CPA5: variants seen among roughly 807,000 people sequenced by gnomAD.
The protein encoded by CPA5 is testicular tissue protein Li 32.
Under a neutral mutation model 52.2 loss-of-function variants are expected in CPA5, and 38 were observed. The observed-to-expected ratio is 0.73, with a 90% CI of 0.56 to 0.95. The LOEUF is 0.95. Ranked by LOEUF, CPA5 falls within the 40% of genes least tolerant of loss-of-function variation. The pLI is 0.00. For synonymous variants in CPA5, 198 were observed against 213.7 expected (o/e 0.93, Z 0.64); for missense variants, 519 against 566.7 (o/e 0.92, Z 0.86).
rs1795687118 is a variant in CPA5, at chr7:130,359,687, G to A, written c.432G>A (p.Glu144=). The part of the protein sequence containing the change: ...FSYSSYHTLE[E]IYSWIDNFVM... The stretch of plus-strand genomic sequence containing the variant: ...ACTCATCATACCACACCCTGGAGGA[G>A]GTAGGTCTGGCCGGGCAAGCTCTGG... Residue 144 remains glutamate (E), a splice_region_variant and synonymous_variant, in exon 6 of 13, where the codon GAG becomes GAA. Coordinates refer to ENST00000474905, the MANE Select transcript of CPA5 (RefSeq NM_080385.5). 2 of 1,577,784 alleles carry A rather than the reference G, an allele frequency of 1.3e-6. No homozygotes were observed. The highest frequency in any genetic ancestry group is 8.6e-7 in the Non-Finnish European group (1 of 1,161,154).
chr7:130,368,496 T>C lies in CPA5; in HGVS notation c.1210T>C (p.Tyr404His), dbSNP rs782178508. ...FSFELRDTGQ[Y>H]GFLLPATQII... ...CTTTGAGCTCCGGGACACTGGGCAG[T>C]ATGGCTTCCTGCTGCCGGCCACACA... Residue 404 changes from tyrosine to histidine, a missense_variant, in exon 13 of 13, where the codon TAT becomes CAT. Transcript: ENST00000474905. The C allele has an allele frequency of 6.2e-6, 10 of 1,614,080 alleles. No homozygotes were observed. The highest frequency in any genetic ancestry group is 8.5e-6 in the Non-Finnish European group (10 of 1,180,004).
rs782304205 is a variant in CPA5, at chr7:130,347,854, A to G, written c.198+7A>G. 3 of 1,611,196 alleles carry G rather than the reference A, an allele frequency of 1.9e-6. No homozygotes were observed. The highest frequency in any genetic ancestry group is 2.5e-6 in the Non-Finnish European group (3 of 1,178,536). Reference sequence around the variant, plus strand: ...GGGCCTGAAACCCCAGAAGGTGAGGACTCCTCAGGCTTGAGGACAACCCCA... The same window carrying G: ...GGGCCTGAAACCCCAGAAGGTGAGGGCTCCTCAGGCTTGAGGACAACCCCA... On this transcript the variant is annotated splice_region_variant and intron_variant, in intron 4 of 12. Transcript: ENST00000474905.
intron 5 of CPA5, among the ~76,000 whole-genome samples, chr7:130,350,669 C>T (rs781926849): frequency 6.6e-6 from 1 of 152,244 alleles, no homozygotes; most frequent in Non-Finnish European, 1.5e-5. Context: ...CCCAGAGGAA[C>T]CGCTTTGGGA....
intron 5 of CPA5, among the ~76,000 whole-genome samples, chr7:130,354,934 G>A (rs1795386614): frequency 6.6e-6 from 1 of 152,138 alleles, no homozygotes; most frequent in African/African-American, 2.4e-5. Context: ...CTGTTGGCTG[G>A]TCTGTGGGTG....
chr7:130,368,730 C>A lies in CPA5; in HGVS notation c.*133C>A. 1.1e-6 allele frequency: 1 copy of A among 902,828 alleles called. No homozygotes were observed. The allele number at this position is 902,828 out of a possible 1,614,324, so 55.9% of individuals were successfully genotyped here. A position where few individuals can be genotyped will look rare whatever the true frequency, so the allele number is the denominator to read the frequency against. ...GAAAATAAATACAAGTTTGAACAGG[C>A]TTCGCTGCCTCTCGTGTTGGCTACC... On this transcript the variant is annotated 3_prime_UTR_variant, in exon 13 of 13. Transcript: ENST00000474905.
At chr7:130,362,343 C>G in intron 7 of CPA5, 95 bp from the exon 8 acceptor site, 3 of 787,698 alleles carry the variant, frequency 3.8e-6, no homozygotes, top group Non-Finnish European at 6.4e-6. Flanking sequence ...CTGCCCCAGG[C>G]ACTGAGGATG....
chr7:130,365,242 A>G (rs1474627298), intron 10 of CPA5, among the ~76,000 whole-genome samples: 4 of 152,232 alleles, frequency 2.6e-5, no homozygotes, highest in African/African-American at 9.6e-5. Context: ...TTCCACCTCC[A>G]AATGAACAGA....
chr7:130,361,351 A>G (rs1248629888), intron 7 of CPA5, 107 bp downstream of exon 7: 3 of 752,128 alleles, frequency 4.0e-6, no homozygotes, highest in Admixed American at 4.3e-5. Flanking sequence ...GAGAAGGACA[A>G]TTTGTCTACT....
intron 2 of CPA5, 86 bp from the exon 3 acceptor site, chr7:130,346,307 G>A: frequency 8.0e-6 from 4 of 498,040 alleles, no homozygotes; most frequent in East Asian, 3.3e-5. Flanking sequence ...GTGCTGGGTT[G>A]GGGAGGGGCA....
chr7:130,364,350 G>A (rs12530709), intron 10 of CPA5, among the ~76,000 whole-genome samples: 39,861 of 151,988 alleles, frequency 0.26, 6,424 homozygotes, highest in East Asian at 0.42. Flanking sequence ...CCACCACCAC[G>A]CTGGGCTAAT....
intron 10 of CPA5, among the ~76,000 whole-genome samples, chr7:130,363,870 T>C (rs1554407546): frequency 6.6e-6 from 1 of 152,140 alleles, no homozygotes; most frequent in African/African-American, 2.4e-5. Context: ...ATCCAGAGTT[T>C]ATGGTGCTCC....
chr7:130,361,319 G>T, intron 7 of CPA5, 75 bp downstream of exon 7: 1 of 1,038,376 alleles, frequency 9.6e-7, no homozygotes, highest in Non-Finnish European at 1.5e-6. Flanking sequence ...ATATGGGGTA[G>T]TGGCTGGGCG....
Position 130,359,649 on chromosome 7 carries a change from A to G in CPA5, c.394A>G (p.Asn132Asp). Residue 132 changes from asparagine (N) to aspartate (D), a missense_variant, in exon 6 of 13, where the codon AAC (asparagine) becomes GAC (aspartate). By Grantham distance (23) the Asn-to-Asp change is conservative. Coordinates refer to ENST00000474905, the MANE Select transcript of CPA5 (RefSeq NM_080385.5). ...ATCCCGCCGGCTGGAGCGCAGCACC[A>G]ACAGCTTCAGTTACTCATCATACCA... Reference protein sequence around the residue: ...AKSRRLERSTNSFSYSSYHTL... With the variant: ...AKSRRLERSTDSFSYSSYHTL... 1 of 1,586,318 alleles carries G rather than the reference A, an allele frequency of 6.3e-7. No homozygotes were observed. Among genetic ancestry groups the G allele is most frequent in the Non-Finnish European group, 8.6e-7 (1 of 1,166,372 alleles).
At chr7:130,357,842 G>C (rs1457481544) in intron 5 of CPA5, among the ~76,000 whole-genome samples, 1 of 152,054 alleles carries the variant, frequency 6.6e-6, no homozygotes, top group Non-Finnish European at 1.5e-5. Context: ...TGAAAGAATA[G>C]TACAATGGAG....
At chr7:130,367,734 G>T (rs1016064428) in intron 11 of CPA5, 163 bp downstream of exon 11, 4 of 846,844 alleles carry the variant, frequency 4.7e-6, no homozygotes, top group East Asian at 2.5e-5. Context: ...CTGTTCTCAC[G>T]TGTGATCAAG....
At chr7:130,362,605 T>C in intron 8 of CPA5, 66 bp downstream of exon 8, 1 of 1,156,468 alleles carries the variant, frequency 8.6e-7, no homozygotes, top group Non-Finnish European at 1.3e-6. Context: ...AGGAACTTAC[T>C]ATTTAAGGGC....
Position 130,347,752 on chromosome 7 carries a change from C to T in CPA5, c.117-14C>T. On this transcript the variant is annotated splice_polypyrimidine_tract_variant and intron_variant, in intron 3 of 12. Transcript: ENST00000474905. ...TCTCCGCAGCTTCCTCCGCCCCTCC[C>T]TGTGTTTTTCTAGGGACCAGGTTCT... 1.2e-6 allele frequency: 2 copies of T among 1,611,540 alleles called. No homozygotes were observed. Among genetic ancestry groups the T allele is most frequent in the East Asian group, 4.5e-5 (2 of 44,840 alleles).
chr7:130,372,058 C>G (rs1418229036), downstream of CPA5, among the ~76,000 whole-genome samples: 2 of 152,226 alleles, frequency 1.3e-5, no homozygotes, highest in Non-Finnish European at 2.9e-5. Context: ...CCTCTCTCCC[C>G]CTTCAATATC....
chr7:130,371,997 T>C (rs890262977), downstream of CPA5, among the ~76,000 whole-genome samples: 1 of 152,210 alleles, frequency 6.6e-6, no homozygotes, highest in African/African-American at 2.4e-5. Context: ...AACACCAATG[T>C]TCCTGCCCAG....
Sources: gnomAD v4.1 joint callset for allele counts (sites outside exome capture counted in the v4.1 genomes callset) on GRCh38, gnomAD v4.1.1 for gene constraint, MANE v1.5 for transcripts, NCBI Gene and HGNC (gene_info 2026-07-23, HGNC 2026-07-21) for gene names.